The following BBOX1 variants were observed in gnomAD, a reference collection of about 807,000 sequenced individuals.
BBOX1 encodes gamma-butyrobetaine hydroxylase 1.
In BBOX1, 35 loss-of-function variants were observed where a neutral mutation model predicts 41.6. The ratio of observed to expected loss-of-function variants is 0.84; its 90% CI spans 0.64 to 1.11. The LOEUF (loss-of-function observed/expected upper bound fraction) is 1.11. Ranked by LOEUF, BBOX1 falls within the 50% of genes most tolerant of loss-of-function variation. The pLI is 0.00. For synonymous variants in BBOX1, 163 were observed against 154.7 expected, an observed-to-expected ratio of 1.05 and a Z score of -0.40; for missense variants, 458 against 460.6, an observed-to-expected ratio of 0.99 and a Z score of 0.05.
intron 4 of BBOX1, among the ~76,000 whole-genome samples, chr11:27,070,983 C>T (rs572647503): frequency 3.5e-4 from 53 of 152,240 alleles, no homozygotes; most frequent in African/African-American, 5.3e-4. Context: ...CAAATTGCCT[C>T]AGCATTTGCT....
intron 2 of BBOX1, among the ~76,000 whole-genome samples, chr11:27,044,398 T>C (rs192503945): frequency 2.6e-5 from 4 of 152,190 alleles, no homozygotes; most frequent in Non-Finnish European, 5.9e-5. Flanking sequence ...GTCTATTCAC[T>C]CTGATGATAG....
At chr11:27,075,417 A>G (rs972965463) in intron 4 of BBOX1, among the ~76,000 whole-genome samples, 2 of 152,116 alleles carry the variant, frequency 1.3e-5, no homozygotes, top group African/African-American at 4.8e-5. Flanking sequence ...TAGGAGAGGT[A>G]TCCCTGCATA....
At chr11:27,108,461 T>A (rs1047694928) in intron 5 of BBOX1, among the ~76,000 whole-genome samples, 3 of 152,106 alleles carry the variant, frequency 2.0e-5, no homozygotes, top group African/African-American at 7.2e-5. Context: ...ACTTTTTTGA[T>A]CTCCTTAAAT....
At chr11:27,125,632 A>AT (rs1859624769) in intron 7 of BBOX1, 22 bp from the exon 8 acceptor site, 2 of 1,471,654 alleles carry the variant, frequency 1.4e-6, no homozygotes, top group African/African-American at 1.4e-5. Context: ...TTATATATTA[A>AT]TTTTTTCTCT....
At chr11:27,126,895 A>T (rs570929919) in intron 8 of BBOX1, among the ~76,000 whole-genome samples, 1 of 152,026 alleles carries the variant, frequency 6.6e-6, no homozygotes, top group Non-Finnish European at 1.5e-5. Context: ...AGGATGGTCT[A>T]GATCTGCTGA....
chr11:27,054,418 AG>A (rs1856916223), intron 2 of BBOX1, among the ~76,000 whole-genome samples: 1 of 152,164 alleles, frequency 6.6e-6, no homozygotes, highest in South Asian at 2.1e-4. Flanking sequence ...CATCCACGTA[AG>A]TTTAGAGTGC....
At chr11:27,111,417 G>A (rs986792563) in intron 5 of BBOX1, among the ~76,000 whole-genome samples, 1 of 151,932 alleles carries the variant, frequency 6.6e-6, no homozygotes, top group East Asian at 1.9e-4. Flanking sequence ...CTGGGGATGG[G>A]ATCAATCTTA....
intron 4 of BBOX1, among the ~76,000 whole-genome samples, chr11:27,081,413 C>G (rs1857831888): frequency 6.6e-6 from 1 of 152,114 alleles, no homozygotes; most frequent in Non-Finnish European, 1.5e-5. Context: ...GCATAGTATT[C>G]TATAGTGCAT....
chr11:27,054,205 C>CTTG (rs140650326), intron 2 of BBOX1, among the ~76,000 whole-genome samples: 2 of 139,376 alleles, frequency 1.4e-5, no homozygotes, highest in Non-Finnish European at 1.6e-5. Flanking sequence ...GTGTGTGTGT[C>CTTG]TGTGTGTGTG....
At chr11:27,042,045 A>G (rs1851359722) in intron 2 of BBOX1, among the ~76,000 whole-genome samples, 1 of 152,208 alleles carries the variant, frequency 6.6e-6, no homozygotes, top group East Asian at 1.9e-4. Context: ...ACGAAGCTCA[A>G]GAAGGTATAT....
At chr11:27,114,290 G>A (rs1221435496) in intron 5 of BBOX1, among the ~76,000 whole-genome samples, 2 of 151,724 alleles carry the variant, frequency 1.3e-5, no homozygotes, top group East Asian at 3.9e-4. Context: ...TGTATTCGTG[G>A]ATTGGAAGGC....
chr11:27,119,520 C>A, intron 6 of BBOX1, 129 bp from the exon 7 acceptor site: 6 of 545,760 alleles, frequency 1.1e-5, no homozygotes, highest in Non-Finnish European at 1.6e-5. Flanking sequence ...CTTTTTGAAT[C>A]TTTAACACAG....
At chr11:27,088,113 A>T (rs1183220008) in intron 4 of BBOX1, among the ~76,000 whole-genome samples, 2 of 152,034 alleles carry the variant, frequency 1.3e-5, no homozygotes, top group Non-Finnish European at 2.9e-5. Context: ...TATAATGGAA[A>T]AAAAAGCTCA....
chr11:27,119,631 C>T lies in BBOX1; in HGVS notation c.640-18C>T. On this transcript the variant is annotated intron_variant, in intron 6 of 8. Coordinates refer to ENST00000263182, the MANE Select transcript of BBOX1 (RefSeq NM_003986.3). ...GTAATTTAATATTTATTTAATAATG[C>T]ATATTTTCTTTTTATAGGTTCAGCT... 1 of 1,301,942 alleles carries T rather than the reference C, an allele frequency of 7.7e-7. No individual in the cohort carries two copies. The allele number at this position is 1,301,942 out of a possible 1,614,324, so 80.6% of individuals were successfully genotyped here.
chr11:27,108,883 C>T (rs1344961178), intron 5 of BBOX1, among the ~76,000 whole-genome samples: 1 of 152,058 alleles, frequency 6.6e-6, no homozygotes, highest in East Asian at 1.9e-4. Flanking sequence ...CCACTCTCCT[C>T]CTGCCACTGC....
chr11:27,084,299 C>T (rs1172212005), intron 4 of BBOX1, among the ~76,000 whole-genome samples: 2 of 152,098 alleles, frequency 1.3e-5, no homozygotes, highest in Non-Finnish European at 1.5e-5. Flanking sequence ...GTCTTAATTC[C>T]CCATCTTCTA....
intron 4 of BBOX1, among the ~76,000 whole-genome samples, chr11:27,083,113 T>A (rs2134019742): frequency 6.6e-6 from 1 of 152,296 alleles, no homozygotes; most frequent in Non-Finnish European, 1.5e-5. Context: ...AAAGATTTTA[T>A]GTATTTCTTC....
At chr11:27,108,211 A>C (rs1035978549) in intron 5 of BBOX1, among the ~76,000 whole-genome samples, 8 of 152,072 alleles carry the variant, frequency 5.3e-5, no homozygotes, top group African/African-American at 1.7e-4. Context: ...AGTGAATGTC[A>C]AAGAAAAGAT....
intron 5 of BBOX1, among the ~76,000 whole-genome samples, chr11:27,113,626 G>T (rs559407702): frequency 6.6e-6 from 1 of 151,894 alleles, no homozygotes; most frequent in African/African-American, 2.4e-5. Flanking sequence ...GCACAAAGAA[G>T]GGAACACTAG....
Sources: gnomAD v4.1 joint callset for allele counts (sites outside exome capture counted in the v4.1 genomes callset) on GRCh38, gnomAD v4.1.1 for gene constraint, MANE v1.5 for transcripts, NCBI Gene and HGNC (gene_info 2026-07-23, HGNC 2026-07-21) for gene names.